XKR4: variants seen among roughly 807,000 people sequenced by gnomAD.
XKR4 encodes the protein XK related 4, also known as XK-related protein 4.
In XKR4, 12 loss-of-function variants were observed where a neutral mutation model predicts 53.9. That is an observed-to-expected ratio of 0.22 (90% CI 0.14 to 0.36). The LOEUF is 0.36. Among genes scored for constraint, XKR4 ranks in the 10% least tolerant of loss-of-function variants. The pLI, the probability that XKR4 is intolerant of heterozygous loss-of-function variation, is 1.00. For synonymous variants in XKR4, 354 were observed against 362.4 expected (o/e 0.98, Z 0.26); for missense variants, 799 against 859.5 (o/e 0.93, Z 0.88).
chr8:55,353,990 C>T lies in XKR4; in HGVS notation c.807-3688C>T, dbSNP rs139454951. ...TCTGCAAATATGGTGACAATGGCAA[C>T]ATCATTCTTTAGTCTACCAAAATTA... On this transcript the variant is annotated intron_variant, in intron 1 of 2. Transcript: ENST00000327381. Among the ~76,000 whole-genome samples the T allele has an allele frequency of 3.0e-4, 45 of 152,312 alleles. No individual in the cohort carries two copies. The East Asian group carries it at 8.7e-3, about 29-fold the overall frequency.
chr8:55,500,147 T>C (rs1806413442), intron 2 of XKR4, among the ~76,000 whole-genome samples: 1 of 146,808 alleles, frequency 6.8e-6, no homozygotes, highest in Non-Finnish European at 1.5e-5. Context: ...TACTCAGAAG[T>C]TCTGGGAAAA....
chr8:55,333,585 T>C (rs1207675572), intron 1 of XKR4, among the ~76,000 whole-genome samples: 1 of 152,196 alleles, frequency 6.6e-6, no homozygotes, highest in Non-Finnish European at 1.5e-5. Context: ...CAGTAATCTC[T>C]GGCCTCAGGT....
intron 1 of XKR4, among the ~76,000 whole-genome samples, chr8:55,352,640 A>G (rs1439033266): frequency 6.6e-6 from 1 of 152,228 alleles, no homozygotes; most frequent in Non-Finnish European, 1.5e-5. Context: ...ATTAATACCA[A>G]GCTCTGTGCT....
chr8:55,459,044 A>G (rs1056310223), intron 2 of XKR4, among the ~76,000 whole-genome samples: 1 of 152,230 alleles, frequency 6.6e-6, no homozygotes, highest in Non-Finnish European at 1.5e-5. Flanking sequence ...TACAGTAATC[A>G]AGAGTGTAAT....
chr8:55,248,614 T>C (rs1037173103), intron 1 of XKR4, among the ~76,000 whole-genome samples: 2 of 152,248 alleles, frequency 1.3e-5, no homozygotes, highest in African/African-American at 2.4e-5. Context: ...CTCTGCTTCA[T>C]TTATCTTCAG....
intron 1 of XKR4, among the ~76,000 whole-genome samples, chr8:55,179,263 TG>T (rs1336825546): frequency 3.3e-5 from 5 of 150,862 alleles, no homozygotes; most frequent in Non-Finnish European, 7.3e-5. Flanking sequence ...ACTACAACTC[TG>T]TCCAATGACA....
At chr8:55,383,164 G>A (rs1241879765) in intron 2 of XKR4, among the ~76,000 whole-genome samples, 2 of 152,182 alleles carry the variant, frequency 1.3e-5, no homozygotes, top group Non-Finnish European at 2.9e-5. Flanking sequence ...AGTAAGCTGA[G>A]ATCTCGCCAC....
At chr8:55,402,326 A>G (rs1804613153) in intron 2 of XKR4, among the ~76,000 whole-genome samples, 1 of 152,206 alleles carries the variant, frequency 6.6e-6, no homozygotes, top group Non-Finnish European at 1.5e-5. Flanking sequence ...ACCTTCACCC[A>G]TGCAGACCAA....
At chr8:55,322,997 C>T (rs1004359335) in intron 1 of XKR4, among the ~76,000 whole-genome samples, 1 of 152,048 alleles carries the variant, frequency 6.6e-6, no homozygotes, top group Non-Finnish European at 1.5e-5. Flanking sequence ...AATATTTCAA[C>T]GTTTTGCCAT....
rs1056242491 is a variant in XKR4 at position 55,536,251 on chromosome 8, A to G, written c.*12024A>G. 3.3e-5 allele frequency: 5 copies of G among 152,224 alleles called. No individual in the cohort carries two copies. The highest frequency in any genetic ancestry group is 9.6e-5 in the African/African-American group (4 of 41,466). 9.4% of individuals were successfully genotyped at this position (152,224 alleles called of 1,614,324 possible). The stretch of plus-strand genomic sequence containing the variant: ...GAATAATGGAGGTGGAAAGAAATGA[A>G]CAGTTAAGCAATTTTTCAACATAGA... On this transcript the variant is annotated 3_prime_UTR_variant, in exon 3 of 3. Transcript: ENST00000327381.
At chr8:55,462,631 C>T (rs1805680462) in intron 2 of XKR4, among the ~76,000 whole-genome samples, 2 of 152,056 alleles carry the variant, frequency 1.3e-5, no homozygotes, top group African/African-American at 4.8e-5. Flanking sequence ...ACAATACTAA[C>T]CTTAAATGTA....
In XKR4 at chr8:55,532,136, GA is replaced by G. The variant is rs1437566432; in HGVS notation, c.*7913del. 6.6e-6 allele frequency: 1 copy of G among 152,230 alleles called. No individual in the cohort carries two copies. The highest frequency in any genetic ancestry group is 1.5e-5 in the Non-Finnish European group (1 of 68,042). The allele number at this position is 152,230 out of a possible 1,614,324, so 9.4% of individuals were successfully genotyped here. A position where few individuals can be genotyped will look rare whatever the true frequency, so the allele number is the denominator to read the frequency against. On this transcript the variant is annotated 3_prime_UTR_variant, in exon 3 of 3. Transcript: ENST00000327381. The stretch of plus-strand genomic sequence containing the variant: ...CCCATTGGCCCTCTAAGGAGTAGAA[GA>G]AAAGAGAGAAGAAAGTATATTAACT...
At position 55,102,110 on chromosome 8, in the gene XKR4, TC is replaced by T. The variant is rs1816048215; in HGVS notation, c.-377del. 6.6e-6 allele frequency among the ~76,000 whole-genome samples: 1 copy of T among 150,444 alleles called. No homozygotes were observed. Among genetic ancestry groups the T allele is most frequent in the Non-Finnish European group, 1.5e-5 (1 of 67,520 alleles). On this transcript the variant is annotated 5_prime_UTR_variant, in exon 1 of 3. It removes the in-frame stop codon of an upstream open reading frame in the 5' UTR. Coordinates refer to ENST00000327381, the MANE Select transcript of XKR4 (RefSeq NM_052898.2). This position sits in a 1 kb window ranked among gnomAD's most constrained non-coding sequence, Gnocchi z 5.1. Reference sequence around the variant, plus strand: ...CGAGGGGAGGAGAGGAATGTGCAGGTCCGAGGAGCGCCGCGGCGGCCGCTGC... The same window carrying T: ...CGAGGGGAGGAGAGGAATGTGCAGGTCGAGGAGCGCCGCGGCGGCCGCTGC...
At chr8:55,307,584 G>A (rs1432765731) in intron 1 of XKR4, among the ~76,000 whole-genome samples, 1 of 152,020 alleles carries the variant, frequency 6.6e-6, no homozygotes, top group African/African-American at 2.4e-5. Flanking sequence ...AGCCTGGGAG[G>A]TTGAGGCTGT....
intron 1 of XKR4, among the ~76,000 whole-genome samples, chr8:55,153,020 T>C (rs768774620): frequency 6.6e-6 from 1 of 152,166 alleles, no homozygotes; most frequent in Non-Finnish European, 1.5e-5. Flanking sequence ...TAGCTTCTAT[T>C]CCAGGGGATG....
At chr8:55,406,314 G>C (rs148320525) in intron 2 of XKR4, among the ~76,000 whole-genome samples, 1 of 152,064 alleles carries the variant, frequency 6.6e-6, no homozygotes, top group Non-Finnish European at 1.5e-5. Context: ...GGTTAAAAAA[G>C]TAATAGTCCC....
intron 2 of XKR4, among the ~76,000 whole-genome samples, chr8:55,455,437 T>C (rs1203658390): frequency 1.3e-5 from 2 of 152,150 alleles, no homozygotes; most frequent in Admixed American, 6.5e-5. Flanking sequence ...ACAGTAATTT[T>C]ACCAACCTGA....
chr8:55,357,848 T>A lies in XKR4; in HGVS notation c.977T>A (p.Val326Glu). Residue 326 changes from valine to glutamate, a missense_variant, in exon 2 of 3, where the codon GTA (valine) becomes GAA (glutamate). Physicochemically the swap from Val to Glu is moderately radical, Grantham distance 121. Around this residue, in one of 3 missense-constraint regions of XKR4, gnomAD observed 476 missense variants for 505.4 expected, o/e 0.94. Coordinates refer to ENST00000327381, the MANE Select transcript of XKR4 (RefSeq NM_052898.2). ...CTGGTCCTGCAGCTCTGCATTATCG[T>A]ACAGACTCATAGCTTACAGGCCCTC... ...PQLVLQLCII[V>E]QTHSLQALQG... is the part of the protein sequence containing the mutation. 1 of 1,614,084 alleles carries A rather than the reference T, an allele frequency of 6.2e-7. No individual in the cohort carries two copies. Among genetic ancestry groups the A allele is most frequent in the Non-Finnish European group, 8.5e-7 (1 of 1,179,968 alleles).
intron 1 of XKR4, among the ~76,000 whole-genome samples, chr8:55,141,600 C>T (rs1013499625): frequency 4.1e-5 from 6 of 147,166 alleles, no homozygotes; most frequent in Admixed American, 2.1e-4. Flanking sequence ...CCTCTGCATC[C>T]GAGTGGGCCT....
Sources: allele counts gnomAD v4.1 joint callset (sites outside exome capture counted in the v4.1 genomes callset), GRCh38; gene constraint gnomAD v4.1.1; regional missense constraint gnomAD v4.1.1; non-coding constraint Gnocchi (gnomAD v3.1); transcripts MANE v1.5; gene names NCBI Gene and HGNC (gene_info 2026-07-23, HGNC 2026-07-21).